The following MTM1 variants were observed in gnomAD, a reference collection of about 807,000 sequenced individuals.
The protein encoded by MTM1 is myotubularin.
Under a neutral mutation model 52.1 loss-of-function variants are expected in MTM1, and 9 were observed. The observed-to-expected ratio is 0.17, with a 90% CI of 0.10 to 0.30. The LOEUF (loss-of-function observed/expected upper bound fraction) is 0.30. Among genes scored for constraint, MTM1 ranks in the 10% least tolerant of loss-of-function variants. MTM1 has a pLI of 1.00. For missense variants in MTM1, 277 were observed against 470.7 expected, an observed-to-expected ratio of 0.59 and a Z score of 3.81; for synonymous variants, 136 against 163.8, an observed-to-expected ratio of 0.83 and a Z score of 1.29.
intron 14 of MTM1, among the ~76,000 whole-genome samples, chrX:150,668,748 C>T (rs377242524): frequency 9.0e-6 from 1 of 110,762 alleles, no homozygotes; most frequent in African/African-American, 3.3e-5. Flanking sequence ...AATACTAAAC[C>T]GCAGCATTCT....
At chrX:150,651,054 TC>T (rs1393160758) in intron 10 of MTM1, among the ~76,000 whole-genome samples, 1 of 112,245 alleles carries the variant, frequency 8.9e-6, no homozygotes, top group African/African-American at 3.2e-5. Context: ...AAGGGAATGT[TC>T]CTTCCACTGA....
At position 150,629,590 on chromosome X, in the gene MTM1, A is replaced by G. The variant is rs977383332; in HGVS notation, c.445-9353A>G. On this transcript the variant is annotated intron_variant, in intron 6 of 14. Transcript: ENST00000370396. ...AGCCTCAGTAAATGTTTATCGAGTG[A>G]ATATACTAATGTAAACAGAGCGAAT... Among the ~76,000 whole-genome samples the G allele has an allele frequency of 2.7e-5, 3 of 112,658 alleles. No homozygotes were observed. The East Asian group carries it at 8.3e-4, about 31-fold the overall frequency.
At position 150,619,059 on chromosome X, in the gene MTM1, G is replaced by C. The variant is rs1165846577; in HGVS notation, c.364G>C (p.Ala122Pro). The change falls in exon 6 of 15, where the codon GCT becomes CCT. Residue 122 changes from alanine to proline, a missense_variant. This residue lies in a region of MTM1 where 164 missense variants were observed against 283.3 expected (regional missense o/e 0.58). Transcript: ENST00000370396. ...TCKDMRNLRF[A>P]LKQEGHSRRD... ...CCAGGACATGAGAAACCTGAGGTTC[G>C]CTTTGAAACAGGAAGGCCACAGCAG... 1 of 1,207,429 alleles carries C rather than the reference G, an allele frequency of 8.3e-7. No homozygotes were observed. Among genetic ancestry groups the C allele is most frequent in the Non-Finnish European group, 1.1e-6 (1 of 893,236 alleles).
At chrX:150,633,876 C>CA (rs1174523548) in intron 6 of MTM1, among the ~76,000 whole-genome samples, 5 of 110,359 alleles carry the variant, frequency 4.5e-5, no homozygotes, top group South Asian at 7.5e-4. Flanking sequence ...TACTAAAATA[C>CA]AAAAAAAAAT....
intron 1 of MTM1, among the ~76,000 whole-genome samples, chrX:150,583,578 ATAAT>A (rs2038682582): frequency 3.9e-5 from 1 of 25,358 alleles, no homozygotes; most frequent in Non-Finnish European, 5.3e-5. Context: ...TAATTTATAT[ATAAT>A]ATATATAATT....
intron 6 of MTM1, among the ~76,000 whole-genome samples, chrX:150,619,352 T>G (rs1220314018): frequency 8.9e-6 from 1 of 112,099 alleles, no homozygotes; most frequent in African/African-American, 3.2e-5. Flanking sequence ...GCAATGAGTG[T>G]CAGGCTTTTG....
chrX:150,597,999 A>G (rs2039007333), intron 3 of MTM1, among the ~76,000 whole-genome samples: 1 of 110,954 alleles, frequency 9.0e-6, no homozygotes, highest in Non-Finnish European at 1.9e-5. Context: ...AGGTGGGAGG[A>G]TTGCTTGAGC....
chrX:150,670,128 C>A, intron 14 of MTM1, among the ~76,000 whole-genome samples: 1 of 112,200 alleles, frequency 8.9e-6, no homozygotes, highest in Non-Finnish European at 1.9e-5. Context: ...GGTGTGATTA[C>A]CTAAATGTAT....
chrX:150,633,152 A>T (rs1382717309), intron 6 of MTM1, among the ~76,000 whole-genome samples: 1 of 112,321 alleles, frequency 8.9e-6, no homozygotes, highest in Non-Finnish European at 1.9e-5. Context: ...GTTTCAAATG[A>T]CATTTCAAAT....
intron 6 of MTM1, among the ~76,000 whole-genome samples, chrX:150,625,067 C>T (rs1333082387): frequency 5.4e-5 from 6 of 111,364 alleles, no homozygotes; most frequent in Non-Finnish European, 1.1e-4. Flanking sequence ...TGAGGGGACA[C>T]GTTTGCAGAG....
rs782764993 is a variant in MTM1 at position 150,604,524 on chromosome X, C to T, written c.231+5838C>T. On this transcript the variant is annotated intron_variant, in intron 4 of 14. Transcript: ENST00000370396. ...TGTTCAACTCAATTGTCTCCCTCCC[C>T]CGAGTTCCTTCTTTTGGTGTTCTTG... is the stretch of plus-strand genomic sequence containing the variant. Among the ~76,000 whole-genome samples the T allele has an allele frequency of 5.4e-5, 6 of 111,351 alleles. No homozygotes were observed. In the Admixed American group the frequency reaches 5.7e-4, roughly 11 times the overall value.
At chrX:150,649,356 C>G (rs2039983279) in intron 9 of MTM1, among the ~76,000 whole-genome samples, 1 of 112,529 alleles carries the variant, frequency 8.9e-6, no homozygotes, top group South Asian at 3.7e-4. Context: ...TCCCGCCTTC[C>G]CCCTGAAGAG....
intron 6 of MTM1, among the ~76,000 whole-genome samples, chrX:150,629,817 A>G (rs2039634305): frequency 8.9e-6 from 1 of 111,788 alleles, no homozygotes; most frequent in Non-Finnish European, 1.9e-5. Context: ...TGCCCTCCTC[A>G]TAGACAACCC....
At chrX:150,622,556 A>G (rs2039500490) in intron 6 of MTM1, among the ~76,000 whole-genome samples, 1 of 112,150 alleles carries the variant, frequency 8.9e-6, no homozygotes, top group Admixed American at 9.5e-5. Flanking sequence ...GTTTAGCCCC[A>G]ACATAAGATA....
chrX:150,571,199 A>G lies in MTM1; in HGVS notation c.-11+2537A>G, dbSNP rs186141390. On this transcript the variant is annotated intron_variant, in intron 1 of 14. Coordinates refer to ENST00000370396, the MANE Select transcript of MTM1 (RefSeq NM_000252.3). ...TTTCTAAAGTTTATTCGATTTTGTAACAGAATAATAGATTGTTTTCATTAT... is the reference window on the plus strand; with the variant it reads ...TTTCTAAAGTTTATTCGATTTTGTAGCAGAATAATAGATTGTTTTCATTAT... Among the ~76,000 whole-genome samples the G allele has an allele frequency of 2.7e-5, 3 of 112,562 alleles. No homozygotes were observed. In the East Asian group the frequency reaches 8.3e-4, roughly 31 times the overall value.
rs200524672 is a variant in MTM1, at chrX:150,645,921, A to G, written c.867+50A>G. The G allele has an allele frequency of 6.3e-6, 7 of 1,109,088 alleles. No individual in the cohort carries two copies. In the Admixed American group the frequency reaches 1.3e-4, roughly 21 times the overall value. 91.4% of individuals were successfully genotyped at this position (1,109,088 alleles called of 1,213,427 possible). On this transcript the variant is annotated intron_variant, in intron 9 of 14. Transcript: ENST00000370396. ...GACACTTAGCTTACATATGGAGTGC[A>G]GTGTTTTCTGTGAATGTTTTTGCCA...
At chrX:150,564,751 T>C (rs950149513), upstream of MTM1, among the ~76,000 whole-genome samples, 7 of 112,315 alleles carry the variant, frequency 6.2e-5, no homozygotes, top group African/African-American at 1.9e-4. Flanking sequence ...TATGTTTCCA[T>C]ATATCTTGGA....
At chrX:150,668,994 T>C (rs1403827219) in intron 14 of MTM1, among the ~76,000 whole-genome samples, 1 of 110,999 alleles carries the variant, frequency 9.0e-6, no homozygotes, top group South Asian at 3.9e-4. Flanking sequence ...AGTGGTTTGC[T>C]GCACCTATTG....
At chrX:150,634,880 A>C (rs1569565478) in intron 6 of MTM1, among the ~76,000 whole-genome samples, 1 of 112,094 alleles carries the variant, frequency 8.9e-6, no homozygotes, top group Non-Finnish European at 1.9e-5. Flanking sequence ...ATAATCTAAA[A>C]CAAACTAAAG....
Sources: gnomAD v4.1 joint callset for allele counts (sites outside exome capture counted in the v4.1 genomes callset) on GRCh38, gnomAD v4.1.1 for gene constraint, gnomAD v4.1.1 regional missense constraint, MANE v1.5 for transcripts, NCBI Gene and HGNC (gene_info 2026-07-23, HGNC 2026-07-21) for gene names.